Variants in ELMO1 observed in about 807,000 individuals in gnomAD.
ELMO1 encodes the protein engulfment and cell motility protein 1.
ELMO1 carries 26 observed loss-of-function variants against 98.9 expected under a neutral mutation model. The ratio of observed to expected loss-of-function variants is 0.26; its 90% CI spans 0.19 to 0.36. ELMO1 has a LOEUF of 0.36. Among genes scored for constraint, ELMO1 ranks in the 10% least tolerant of loss-of-function variants. ELMO1 has a pLI of 1.00. For synonymous variants in ELMO1, 346 were observed against 346.0 expected (o/e 1.00, Z 0.00); for missense variants, 627 against 935.2 (o/e 0.67, Z 4.30).
chr7:36,968,579 A>ATT (rs2129129742), intron 16 of ELMO1, among the ~76,000 whole-genome samples: 1 of 152,302 alleles, frequency 6.6e-6, no homozygotes, highest in South Asian at 2.1e-4. Context: ...TATTTTAATC[A>ATT]GCTCTATGTC....
At position 37,325,487 on chromosome 7, in the gene ELMO1, C is replaced by T. The variant is rs540977710; in HGVS notation, c.79-9527G>A. On this transcript the variant is annotated intron_variant, in intron 2 of 21. Transcript: ENST00000310758. Reference sequence around the variant, plus strand: ...GATCACAGCAAGCAGAGGACAGAAGCGGTCCCCGGTCCTCACTGCTCCTCC... The same window carrying T: ...GATCACAGCAAGCAGAGGACAGAAGTGGTCCCCGGTCCTCACTGCTCCTCC... Among the ~76,000 whole-genome samples, 10 of 152,218 alleles carry T rather than the reference C, an allele frequency of 6.6e-5. No individual in the cohort carries two copies. The East Asian group carries it at 7.7e-4, about 12-fold the overall frequency.
At chr7:37,088,728 A>C (rs924124013) in intron 15 of ELMO1, among the ~76,000 whole-genome samples, 2 of 152,224 alleles carry the variant, frequency 1.3e-5, no homozygotes, top group African/African-American at 4.8e-5. Context: ...CTTGGAGAAT[A>C]CCATTATAAA....
intron 9 of ELMO1, 78 bp from the exon 10 acceptor site, chr7:37,222,771 G>C (rs574245470): frequency 7.3e-7 from 1 of 1,368,850 alleles, no homozygotes; most frequent in East Asian, 2.4e-5. Context: ...CCATGAAAAG[G>C]CTCAAAATCA....
intron 1 of ELMO1, among the ~76,000 whole-genome samples, chr7:37,396,253 T>C (rs370707117): frequency 6.6e-6 from 1 of 152,032 alleles, no homozygotes; most frequent in Non-Finnish European, 1.5e-5. Context: ...TATATGAAGA[T>C]TAAATTGCAT....
intron 16 of ELMO1, among the ~76,000 whole-genome samples, chr7:36,898,883 C>T (rs73106608): frequency 0.021 from 3,262 of 152,286 alleles, 82 homozygotes; most frequent in East Asian, 0.068. Context: ...CAAGGGAAGA[C>T]GCGATGTCAC....
chr7:37,107,990 G>C (rs1015553007), intron 14 of ELMO1, among the ~76,000 whole-genome samples: 1 of 152,024 alleles, frequency 6.6e-6, no homozygotes, highest in South Asian at 2.1e-4. Context: ...TAATAAATTG[G>C]CCATTTCAGG....
At chr7:37,286,563 G>A (rs958160117) in intron 4 of ELMO1, among the ~76,000 whole-genome samples, 1 of 152,120 alleles carries the variant, frequency 6.6e-6, no homozygotes, top group African/African-American at 2.4e-5. Context: ...GCCTCTGCTT[G>A]GCTCATTCAG....
chr7:36,935,506 T>G (rs1786450918), intron 16 of ELMO1, among the ~76,000 whole-genome samples: 1 of 152,200 alleles, frequency 6.6e-6, no homozygotes, highest in Non-Finnish European at 1.5e-5. Context: ...ACCTATCTGA[T>G]ATCTTGATCA....
chr7:37,303,645 G>A (rs1327372621), intron 4 of ELMO1, among the ~76,000 whole-genome samples: 1 of 152,164 alleles, frequency 6.6e-6, no homozygotes, highest in Non-Finnish European at 1.5e-5. Context: ...GGTGTTTTTA[G>A]GGTCATTTTT....
At chr7:36,861,583 A>C (rs1802630542) in intron 21 of ELMO1, 76 bp downstream of exon 21, 2 of 1,513,260 alleles carry the variant, frequency 1.3e-6, no homozygotes, top group Non-Finnish European at 1.8e-6. Flanking sequence ...TATTTTTCTT[A>C]AGTAAAATTT....
chr7:37,130,721 G>A (rs943467287), intron 14 of ELMO1, among the ~76,000 whole-genome samples: 5 of 151,730 alleles, frequency 3.3e-5, no homozygotes, highest in African/African-American at 1.2e-4. Context: ...GAGTGACAAG[G>A]GCAACGAGGG....
intron 1 of ELMO1, among the ~76,000 whole-genome samples, chr7:37,413,898 G>C (rs1804101801): frequency 1.3e-5 from 2 of 152,000 alleles, no homozygotes; most frequent in South Asian, 2.1e-4. Flanking sequence ...TTCTGGTCTG[G>C]AACTCCTGGT....
chr7:37,279,619 G>C (rs1450457144), intron 4 of ELMO1, among the ~76,000 whole-genome samples: 1 of 152,206 alleles, frequency 6.6e-6, no homozygotes, highest in Admixed American at 6.5e-5. Flanking sequence ...CTTACCTGGA[G>C]CTGAGCCAAT....
chr7:37,320,599 G>A (rs1371252521), intron 2 of ELMO1, among the ~76,000 whole-genome samples: 1 of 152,074 alleles, frequency 6.6e-6, no homozygotes, highest in Non-Finnish European at 1.5e-5. Flanking sequence ...TACTCCCTCT[G>A]TGTACTTAGC....
rs56928749 is a variant in ELMO1, at chr7:36,970,180, A to AACACACACACAC, written c.1437+43107_1437+43118dup. 4.9e-3 allele frequency among the ~76,000 whole-genome samples: 701 copies of AACACACACACAC among 144,326 alleles called. 8 individuals carry two copies. Among genetic ancestry groups the AACACACACACAC allele is most frequent in the African/African-American group, 0.017 (663 of 38,688 alleles). The allele number at this position is 144,326 out of a possible 152,430, so 94.7% of individuals were successfully genotyped here. A position where few individuals can be genotyped will look rare whatever the true frequency, so the allele number is the denominator to read the frequency against. ...CACACACAAATACATTCATACACTTAACACACACACACACACACACACACA... is the reference window on the plus strand; with the variant it reads ...CACACACAAATACATTCATACACTTAACACACACACACACACACACACACACACACACACACA... On this transcript the variant is annotated intron_variant, in intron 16 of 21. Transcript: ENST00000310758.
chr7:37,101,807 T>C (rs1784660290), intron 14 of ELMO1, among the ~76,000 whole-genome samples: 1 of 151,864 alleles, frequency 6.6e-6, no homozygotes, highest in Non-Finnish European at 1.5e-5. Context: ...TGGCTCTCTC[T>C]CCTAGGAGAG....
At chr7:37,118,529 A>C (rs1785755823) in intron 14 of ELMO1, among the ~76,000 whole-genome samples, 1 of 152,220 alleles carries the variant, frequency 6.6e-6, no homozygotes, top group African/African-American at 2.4e-5. Context: ...AAGGATGAAA[A>C]GATAAACACC....
Position 36,855,114 on chromosome 7 carries a change from TCTC to T in ELMO1, c.*434_*436del, listed in dbSNP as rs1207530899. On this transcript the variant is annotated 3_prime_UTR_variant, in exon 22 of 22. Coordinates refer to ENST00000310758, the MANE Select transcript of ELMO1 (RefSeq NM_014800.11). The surrounding 1 kb of genome is among the most constrained non-coding windows in gnomAD (Gnocchi z 4.2). ...GAAAGGAGGATGTGGGGTTTGGTCT[TCTC>T]ATCAAATAGCTAGGCCATTTCCTCC... 1 of 206,162 alleles carries T rather than the reference TCTC, an allele frequency of 4.9e-6. No homozygotes were observed. Among genetic ancestry groups the T allele is most frequent in the African/African-American group, 2.3e-5 (1 of 43,100 alleles). The allele number at this position is 206,162 out of a possible 1,614,324, so 12.8% of individuals were successfully genotyped here.
chr7:37,060,450 T>C (rs1796607884), intron 15 of ELMO1, among the ~76,000 whole-genome samples: 1 of 152,192 alleles, frequency 6.6e-6, no homozygotes, highest in African/African-American at 2.4e-5. Flanking sequence ...AAGTGGGAGC[T>C]AAACGCTGGG....
Sources: allele counts gnomAD v4.1 joint callset (sites outside exome capture counted in the v4.1 genomes callset), GRCh38; gene constraint gnomAD v4.1.1; non-coding constraint Gnocchi (gnomAD v3.1); transcripts MANE v1.5; gene names NCBI Gene and HGNC (gene_info 2026-07-23, HGNC 2026-07-21).